The following TTLL11 variants were observed in gnomAD, a reference collection of about 807,000 sequenced individuals.
TTLL11 encodes the protein tubulin tyrosine ligase like 11.
TTLL11 carries 42 observed loss-of-function variants against 51.7 expected under a neutral mutation model. The ratio of observed to expected loss-of-function variants is 0.81; its 90% CI spans 0.64 to 1.05. The LOEUF is 1.05. TTLL11 is among the 50% of genes least tolerant of loss of function. The pLI, the probability that TTLL11 is intolerant of heterozygous loss-of-function variation, is 0.00. For synonymous variants in TTLL11, 381 were observed against 383.5 expected, an observed-to-expected ratio of 0.99 and a Z score of 0.08; for missense variants, 799 against 940.4, an observed-to-expected ratio of 0.85 and a Z score of 1.97.
intron 3 of TTLL11, among the ~76,000 whole-genome samples, chr9:122,006,166 C>T (rs1843636311): frequency 6.6e-6 from 1 of 151,794 alleles, no homozygotes; most frequent in Admixed American, 6.6e-5. Flanking sequence ...ATGGTGAAAC[C>T]CCTGTCTCTA....
At chr9:122,001,457 A>G (rs939772120) in intron 3 of TTLL11, among the ~76,000 whole-genome samples, 37 of 133,656 alleles carry the variant, frequency 2.8e-4, no homozygotes, top group South Asian at 1.5e-3. Flanking sequence ...GAGCAAAGCC[A>G]GGTGACCTGC....
chr9:121,906,761 T>C (rs147982383), intron 6 of TTLL11, among the ~76,000 whole-genome samples: 168 of 152,262 alleles, frequency 1.1e-3, no homozygotes, highest in Middle Eastern at 3.4e-3. Context: ...AAAATTTCAG[T>C]GGTTCCAAAA....
chr9:122,058,762 G>A (rs1350360196), intron 1 of TTLL11, among the ~76,000 whole-genome samples: 2 of 152,198 alleles, frequency 1.3e-5, no homozygotes, highest in African/African-American at 4.8e-5. Flanking sequence ...GCTTTCACTA[G>A]CTCCTTGAGA....
At chr9:121,954,430 C>T (rs1314223992) in intron 6 of TTLL11, among the ~76,000 whole-genome samples, 1 of 152,200 alleles carries the variant, frequency 6.6e-6, no homozygotes, top group Non-Finnish European at 1.5e-5. Flanking sequence ...AATGCGAAAC[C>T]TTGTAATATC....
At chr9:121,957,227 C>A (rs895968928) in intron 6 of TTLL11, among the ~76,000 whole-genome samples, 3 of 152,180 alleles carry the variant, frequency 2.0e-5, no homozygotes, top group African/African-American at 7.2e-5. Flanking sequence ...GCGCCTTCTA[C>A]CACTGCCCAG....
chr9:121,878,319 C>T (rs1368778612), intron 6 of TTLL11, among the ~76,000 whole-genome samples: 1 of 152,124 alleles, frequency 6.6e-6, no homozygotes, highest in Non-Finnish European at 1.5e-5. Context: ...TGTGACTTCT[C>T]GGGAGGGTAC....
chr9:122,090,761 A>G (rs1237066364), intron 1 of TTLL11, among the ~76,000 whole-genome samples: 1 of 152,230 alleles, frequency 6.6e-6, no homozygotes, highest in African/African-American at 2.4e-5. Flanking sequence ...GAGGGAAACG[A>G]CAATAAACAA....
chr9:121,898,055 A>T (rs1187394486), intron 6 of TTLL11, among the ~76,000 whole-genome samples: 1 of 151,850 alleles, frequency 6.6e-6, no homozygotes, highest in African/African-American at 2.4e-5. Context: ...AGTAGCTGGG[A>T]CTACAGGCAC....
chr9:122,059,008 C>T (rs1845371621), intron 1 of TTLL11, among the ~76,000 whole-genome samples: 1 of 151,852 alleles, frequency 6.6e-6, no homozygotes, highest in African/African-American at 2.4e-5. Flanking sequence ...GCCTGCAGGT[C>T]CTTAAGCACT....
chr9:121,869,240 C>T (rs1276181100), intron 7 of TTLL11, among the ~76,000 whole-genome samples: 1 of 152,178 alleles, frequency 6.6e-6, no homozygotes, highest in Non-Finnish European at 1.5e-5. Flanking sequence ...TTCTGTGTAC[C>T]ATCCTGTCAG....
intron 1 of TTLL11, among the ~76,000 whole-genome samples, chr9:122,091,993 T>G (rs973045951): frequency 2.0e-5 from 3 of 152,206 alleles, no homozygotes; most frequent in Admixed American, 2.0e-4. Flanking sequence ...CCACTGATCA[T>G]GAGGACAGTG....
intron 6 of TTLL11, among the ~76,000 whole-genome samples, chr9:121,874,779 CAG>C (rs1198860904): frequency 5.6e-5 from 8 of 141,776 alleles, no homozygotes; most frequent in African/African-American, 2.1e-4. Context: ...TTTTTTGAGA[CAG>C]AGACTTGTTC....
chr9:122,014,771 C>G (rs1843915276), intron 3 of TTLL11, among the ~76,000 whole-genome samples: 1 of 152,172 alleles, frequency 6.6e-6, no homozygotes, highest in Non-Finnish European at 1.5e-5. Flanking sequence ...CTCTGAATCT[C>G]AGCTTCCTCA....
chr9:122,006,058 G>A (rs1564353514), intron 3 of TTLL11, among the ~76,000 whole-genome samples: 1 of 152,154 alleles, frequency 6.6e-6, no homozygotes, highest in Non-Finnish European at 1.5e-5. Context: ...TGTAAATAAG[G>A]GCCAGGCACA....
intron 6 of TTLL11, among the ~76,000 whole-genome samples, chr9:121,909,696 T>C (rs1181148034): frequency 6.6e-6 from 1 of 152,132 alleles, no homozygotes; most frequent in Non-Finnish European, 1.5e-5. Flanking sequence ...TTATATCTGG[T>C]GGAGGCATCA....
chr9:121,949,053 C>T (rs1327598565), intron 6 of TTLL11, among the ~76,000 whole-genome samples: 1 of 152,130 alleles, frequency 6.6e-6, no homozygotes, highest in Non-Finnish European at 1.5e-5. Flanking sequence ...ATGTTTGTGT[C>T]ACCATTGCAA....
chr9:121,989,627 C>G lies in TTLL11; in HGVS notation c.837G>C (p.Ala279=). The G allele has an allele frequency of 1.2e-6, 2 of 1,614,102 alleles. No individual in the cohort carries two copies. The highest frequency in any genetic ancestry group is 1.7e-6 in the Non-Finnish European group (2 of 1,180,014). The part of the protein sequence containing the change: ...RLAGTLQSRP[A]VVQEYICKPL... ...GTTTGCAGATGTACTCCTGGACCAC[C>G]GCTGGCCTGCTCTGGAGGGTCCCTG... The change falls in exon 4 of 9, where the codon GCG becomes GCC. Residue 279 remains alanine (A), a synonymous_variant. Coordinates refer to ENST00000321582, the MANE Select transcript of TTLL11 (RefSeq NM_001139442.2). The surrounding 1 kb of genome is among the most constrained non-coding windows in gnomAD (Gnocchi z 4.2).
At chr9:122,014,851 A>G (rs765508930) in intron 3 of TTLL11, among the ~76,000 whole-genome samples, 3 of 152,196 alleles carry the variant, frequency 2.0e-5, no homozygotes, top group Non-Finnish European at 4.4e-5. Context: ...TAAATGTCCA[A>G]CTGAATGAAT....
chr9:122,016,645 G>A (rs1843992334), intron 3 of TTLL11, among the ~76,000 whole-genome samples: 1 of 152,088 alleles, frequency 6.6e-6, no homozygotes, highest in African/African-American at 2.4e-5. Flanking sequence ...TCAGCCTTGA[G>A]GAGCTGAATC....
Sources: gnomAD v4.1 joint callset for allele counts (sites outside exome capture counted in the v4.1 genomes callset) on GRCh38, gnomAD v4.1.1 for gene constraint, Gnocchi (gnomAD v3.1) non-coding constraint, MANE v1.5 for transcripts, NCBI Gene and HGNC (gene_info 2026-07-23, HGNC 2026-07-21) for gene names.